The following SRBD1 variants were observed in gnomAD, a reference collection of about 807,000 sequenced individuals.
The protein encoded by SRBD1 is S1 RNA binding domain 1.
In SRBD1, 88 loss-of-function variants were observed where a neutral mutation model predicts 115.3. The observed-to-expected ratio is 0.76, with a 90% CI of 0.64 to 0.91. The LOEUF is 0.91. SRBD1 is among the 40% of genes least tolerant of loss of function. The probability of loss-of-function intolerance (pLI) is 0.00; values close to 1 mark genes in which losing one functional copy is unlikely to be tolerated. For synonymous variants in SRBD1, 509 were observed against 407.7 expected, an observed-to-expected ratio of 1.25 and a Z score of -2.99; for missense variants, 1,385 against 1,177.4, an observed-to-expected ratio of 1.18 and a Z score of -2.58.
Position 45,546,765 on chromosome 2 carries a change from T to G in SRBD1, c.1841A>C (p.Lys614Thr). 1 of 1,614,124 alleles carries G rather than the reference T, an allele frequency of 6.2e-7. No individual in the cohort carries two copies. Among genetic ancestry groups the G allele is most frequent in the Non-Finnish European group, 8.5e-7 (1 of 1,179,998 alleles). ...TEAYFADLIM[K>T]NYFAPLDVVY... ...AACATCCAGTGGTGCAAAATAATTC[T>G]TCATTATCAGGTCAGCAAAGTAAGC... Residue 614 changes from lysine (K) to threonine (T), a missense_variant, in exon 14 of 21, where the codon AAG becomes ACG. Coordinates refer to ENST00000263736, the MANE Select transcript of SRBD1 (RefSeq NM_018079.5).
At chr2:45,591,483 A>G (rs1179801374) in intron 4 of SRBD1, among the ~76,000 whole-genome samples, 1 of 152,136 alleles carries the variant, frequency 6.6e-6, no homozygotes, top group Non-Finnish European at 1.5e-5. Context: ...CTCTTTCTCT[A>G]CTGCAATTCT....
intron 16 of SRBD1, among the ~76,000 whole-genome samples, chr2:45,446,699 A>G (rs1254238579): frequency 6.9e-6 from 1 of 145,420 alleles, no homozygotes; most frequent in East Asian, 2.0e-4. Flanking sequence ...ATCAAGATGG[A>G]AAAAAAAAAA....
chr2:45,436,152 A>G lies in SRBD1; in HGVS notation c.2050-16258T>C, dbSNP rs114852089. 6.9e-3 allele frequency among the ~76,000 whole-genome samples: 1,054 copies of G among 152,302 alleles called. 15 individuals are homozygous for G. Among genetic ancestry groups the G allele is most frequent in the African/African-American group, 0.024 (1,005 of 41,572 alleles). On this transcript the variant is annotated intron_variant, in intron 16 of 20. Coordinates refer to ENST00000263736, the MANE Select transcript of SRBD1 (RefSeq NM_018079.5). ...ATCACATCAACAAGCTAAAAAAGAA[A>G]AAAAAAATCACATAGTCCTAGCTGC...
At chr2:45,444,469 AT>A (rs1180650831) in intron 16 of SRBD1, among the ~76,000 whole-genome samples, 1 of 152,170 alleles carries the variant, frequency 6.6e-6, no homozygotes, top group South Asian at 2.1e-4. Context: ...GACAGTGGTA[AT>A]TTTTTTTAAA....
chr2:45,475,419 C>T (rs1220548648), intron 16 of SRBD1, among the ~76,000 whole-genome samples: 1 of 152,046 alleles, frequency 6.6e-6, no homozygotes, highest in Non-Finnish European at 1.5e-5. Context: ...GATTGTGCCA[C>T]CCCCCCTTGC....
At chr2:45,391,068 T>TTC (rs756537276) in intron 20 of SRBD1, among the ~76,000 whole-genome samples, 2 of 152,016 alleles carry the variant, frequency 1.3e-5, no homozygotes, top group African/African-American at 4.8e-5. Context: ...TGGAAATTCT[T>TTC]TCTCTCTCTC....
intron 14 of SRBD1, among the ~76,000 whole-genome samples, chr2:45,494,583 T>C (rs1333732137): frequency 6.6e-6 from 1 of 152,220 alleles, no homozygotes; most frequent in African/African-American, 2.4e-5. Flanking sequence ...AAATGAATGA[T>C]TAAAAAAATC....
At chr2:45,442,606 C>T (rs1668703104) in intron 16 of SRBD1, among the ~76,000 whole-genome samples, 1 of 152,150 alleles carries the variant, frequency 6.6e-6, no homozygotes, top group Middle Eastern at 3.2e-3. Context: ...GTATAGGAAC[C>T]AAATGTTGGT....
intron 10 of SRBD1, among the ~76,000 whole-genome samples, chr2:45,558,840 C>T (rs534356601): frequency 1.3e-5 from 2 of 152,130 alleles, no homozygotes; most frequent in East Asian, 3.9e-4. Context: ...TACACGCATG[C>T]ACCACCATGC....
At chr2:45,517,582 A>T (rs1362847681) in intron 14 of SRBD1, among the ~76,000 whole-genome samples, 2 of 152,222 alleles carry the variant, frequency 1.3e-5, no homozygotes, top group Non-Finnish European at 2.9e-5. Flanking sequence ...TCCTAAGTAA[A>T]AGTTAACTCT....
rs1314289161 is a variant in SRBD1 at position 45,512,657 on chromosome 2, A to G, written c.1875-24326T>C. ...CATGAAAATCTTAAACTGAATTTTTATAAGTCAAAATCCATTTTAAATGCA... is the reference window on the plus strand; with the variant it reads ...CATGAAAATCTTAAACTGAATTTTTGTAAGTCAAAATCCATTTTAAATGCA... On this transcript the variant is annotated intron_variant, in intron 14 of 20. Coordinates refer to ENST00000263736, the MANE Select transcript of SRBD1 (RefSeq NM_018079.5). Among the ~76,000 whole-genome samples, 4 of 152,296 alleles carry G rather than the reference A, an allele frequency of 2.6e-5. No individual in the cohort carries two copies. The East Asian group carries it at 5.8e-4, about 22-fold the overall frequency.
chr2:45,595,966 G>A (rs567838461), intron 4 of SRBD1, among the ~76,000 whole-genome samples: 1 of 152,038 alleles, frequency 6.6e-6, no homozygotes, highest in South Asian at 2.1e-4. Flanking sequence ...CAGAGAATAG[G>A]CATTCAGCTG....
intron 16 of SRBD1, among the ~76,000 whole-genome samples, chr2:45,440,550 G>A (rs911477424): frequency 2.6e-5 from 4 of 152,092 alleles, no homozygotes; most frequent in African/African-American, 9.7e-5. Context: ...ACATAGTTCT[G>A]GCTCATGACA....
Position 45,476,985 on chromosome 2 carries a change from A to G in SRBD1, c.2049+8T>C. Reference sequence around the variant, plus strand: ...ATTTCATAAATTAAATGATCCACATAGCTTTACCTGATACATTCCAACTCC... The same window carrying G: ...ATTTCATAAATTAAATGATCCACATGGCTTTACCTGATACATTCCAACTCC... On this transcript the variant is annotated splice_region_variant and intron_variant, in intron 16 of 20. Coordinates refer to ENST00000263736, the MANE Select transcript of SRBD1 (RefSeq NM_018079.5). 1 of 1,612,856 alleles carries G rather than the reference A, an allele frequency of 6.2e-7. No individual in the cohort carries two copies. The highest frequency in any genetic ancestry group is 1.1e-5 in the South Asian group (1 of 91,002).
intron 11 of SRBD1, among the ~76,000 whole-genome samples, chr2:45,551,608 A>G (rs140430159): frequency 7.9e-5 from 12 of 152,322 alleles, no homozygotes; most frequent in South Asian, 2.1e-4. Flanking sequence ...TGAATGTCAC[A>G]TGGGATGCAA....
intron 16 of SRBD1, among the ~76,000 whole-genome samples, chr2:45,450,397 T>C (rs1668958142): frequency 1.3e-5 from 2 of 152,150 alleles, no homozygotes. Flanking sequence ...TATATATTTG[T>C]ATAGTACCAA....
chr2:45,533,152 T>C (rs568724843), intron 14 of SRBD1, among the ~76,000 whole-genome samples: 40 of 152,090 alleles, frequency 2.6e-4, no homozygotes, highest in African/African-American at 9.4e-4. Flanking sequence ...GAGTCAACAA[T>C]CTTAAAGTAA....
At chr2:45,610,921 C>A (rs1674427949) in intron 1 of SRBD1, among the ~76,000 whole-genome samples, 1 of 122,806 alleles carries the variant, frequency 8.1e-6, no homozygotes, top group Admixed American at 8.4e-5. Context: ...GAGGGAGACT[C>A]CGTCTCAAAA....
intron 16 of SRBD1, among the ~76,000 whole-genome samples, chr2:45,446,014 C>G (rs1668813268): frequency 6.6e-6 from 1 of 152,142 alleles, no homozygotes; most frequent in Non-Finnish European, 1.5e-5. Context: ...TGTAGGCTGA[C>G]ACATACATGA....
Sources: allele counts gnomAD v4.1 joint callset (sites outside exome capture counted in the v4.1 genomes callset), GRCh38; gene constraint gnomAD v4.1.1; transcripts MANE v1.5; gene names NCBI Gene and HGNC (gene_info 2026-07-23, HGNC 2026-07-21).